Variants in DCC observed in about 807,000 individuals in gnomAD.
DCC encodes the protein netrin receptor DCC.
A neutral mutation model predicts 172.5 loss-of-function variants in DCC; 58 were observed. That is an observed-to-expected ratio of 0.34 (90% CI 0.27 to 0.42). The LOEUF (loss-of-function observed/expected upper bound fraction) is 0.42. Among genes scored for constraint, DCC ranks in the 10% least tolerant of loss-of-function variants. The probability of loss-of-function intolerance (pLI) is 1.00; values close to 1 mark genes in which losing one functional copy is unlikely to be tolerated. For missense variants in DCC, 1,740 were observed against 1,791.0 expected, an observed-to-expected ratio of 0.97 and a Z score of 0.51; for synonymous variants, 709 against 644.5, an observed-to-expected ratio of 1.10 and a Z score of -1.52.
chr18:52,412,533 A>T (rs1188815783), intron 1 of DCC, among the ~76,000 whole-genome samples: 1 of 152,158 alleles, frequency 6.6e-6, no homozygotes, highest in African/African-American at 2.4e-5. Context: ...ATTTGATGAA[A>T]CATCAAATTT....
intron 1 of DCC, among the ~76,000 whole-genome samples, chr18:52,478,194 C>A (rs910536499): frequency 5.3e-5 from 8 of 151,742 alleles, no homozygotes; most frequent in Admixed American, 5.2e-4. Flanking sequence ...AGATTAATTT[C>A]TCTTGATTTT....
intron 12 of DCC, among the ~76,000 whole-genome samples, chr18:53,269,404 A>G (rs2056721002): frequency 6.6e-6 from 1 of 152,114 alleles, no homozygotes; most frequent in African/African-American, 2.4e-5. Flanking sequence ...GTCAACCCTG[A>G]GCACAAAACT....
At chr18:53,512,664 G>T (rs1260306768) in intron 27 of DCC, among the ~76,000 whole-genome samples, 1 of 152,000 alleles carries the variant, frequency 6.6e-6, no homozygotes, top group Non-Finnish European at 1.5e-5. Context: ...TGTGAAGAAT[G>T]CAGAAGCCTC....
chr18:52,656,903 T>C (rs1444019689), intron 1 of DCC, among the ~76,000 whole-genome samples: 1 of 152,136 alleles, frequency 6.6e-6, no homozygotes, highest in Non-Finnish European at 1.5e-5. Context: ...CCCACCCAGA[T>C]GGGTCAGAAA....
chr18:53,448,814 G>A lies in DCC; in HGVS notation c.3230-1686G>A, dbSNP rs536960474. Reference sequence around the variant, plus strand: ...GTTGTCGTGAGCCGAGATCATGCCAGTGCACTCCAGCATGGGTGATAGAGC... The same window carrying A: ...GTTGTCGTGAGCCGAGATCATGCCAATGCACTCCAGCATGGGTGATAGAGC... On this transcript the variant is annotated intron_variant, in intron 22 of 28. Coordinates refer to ENST00000442544, the MANE Select transcript of DCC (RefSeq NM_005215.4). Among the ~76,000 whole-genome samples, 4 of 152,264 alleles carry A rather than the reference G, an allele frequency of 2.6e-5. No individual in the cohort carries two copies. The South Asian group carries it at 6.2e-4, about 24-fold the overall frequency.
intron 5 of DCC, among the ~76,000 whole-genome samples, chr18:52,960,183 A>AT (rs200352988): frequency 0.014 from 2,062 of 152,246 alleles, 60 homozygotes; most frequent in African/African-American, 0.048. Flanking sequence ...ATTTTAAAAA[A>AT]TTTCTAGGTT....
At chr18:52,489,829 C>G (rs576189937) in intron 1 of DCC, among the ~76,000 whole-genome samples, 1 of 152,014 alleles carries the variant, frequency 6.6e-6, no homozygotes, top group East Asian at 1.9e-4. Context: ...AGTCTAAGAC[C>G]CGACACCACT....
At chr18:52,727,640 C>A (rs1043825430) in intron 1 of DCC, among the ~76,000 whole-genome samples, 1 of 151,980 alleles carries the variant, frequency 6.6e-6, no homozygotes, top group Non-Finnish European at 1.5e-5. Context: ...ATTTTAATTT[C>A]TTTATGTTGA....
intron 1 of DCC, among the ~76,000 whole-genome samples, chr18:52,416,240 A>G (rs1375737689): frequency 1.3e-5 from 2 of 151,952 alleles, no homozygotes; most frequent in African/African-American, 2.4e-5. Context: ...CTGAGAGACA[A>G]TTTGTTTTAT....
At chr18:53,214,639 C>T (rs1429773928) in intron 11 of DCC, among the ~76,000 whole-genome samples, 1 of 152,162 alleles carries the variant, frequency 6.6e-6, no homozygotes, top group Non-Finnish European at 1.5e-5. Context: ...ATAGGGACTA[C>T]TCACTTTATA....
intron 2 of DCC, among the ~76,000 whole-genome samples, chr18:52,795,533 T>C (rs1179922618): frequency 1.3e-5 from 2 of 151,988 alleles, no homozygotes; most frequent in Non-Finnish European, 2.9e-5. Flanking sequence ...GTTTAAAAAT[T>C]TTACCTTCTC....
At chr18:52,913,371 T>C (rs1033940668) in intron 3 of DCC, among the ~76,000 whole-genome samples, 2 of 152,066 alleles carry the variant, frequency 1.3e-5, no homozygotes, top group Non-Finnish European at 1.5e-5. Context: ...CCCAATGCTA[T>C]TTGGACGGAC....
At chr18:52,871,385 CTG>C (rs1442754823) in intron 2 of DCC, among the ~76,000 whole-genome samples, 1 of 151,876 alleles carries the variant, frequency 6.6e-6, no homozygotes, top group African/African-American at 2.4e-5. Flanking sequence ...AACTGCAAAA[CTG>C]AACAGTCTGT....
chr18:52,924,999 T>G (rs2040179650), intron 4 of DCC, among the ~76,000 whole-genome samples: 1 of 151,946 alleles, frequency 6.6e-6, no homozygotes, highest in African/African-American at 2.4e-5. Context: ...CTAAAGTTAC[T>G]TCCAAGTTTA....
chr18:52,387,670 C>CA (rs1339806188), intron 1 of DCC, among the ~76,000 whole-genome samples: 30 of 144,396 alleles, frequency 2.1e-4, no homozygotes, highest in African/African-American at 7.3e-4. Context: ...GATCTATGAA[C>CA]AAAAACTGTC....
rs1029758510 is a variant in DCC, at chr18:53,138,128, A to T, written c.1262-19228A>T. Among the ~76,000 whole-genome samples the T allele has an allele frequency of 4.6e-5, 7 of 152,034 alleles. No individual in the cohort carries two copies. The East Asian group carries it at 9.7e-4, about 21-fold the overall frequency. On this transcript the variant is annotated intron_variant, in intron 7 of 28. Coordinates refer to ENST00000442544, the MANE Select transcript of DCC (RefSeq NM_005215.4). ...CAAGCATGAGCCATTGTGCCCAGGGAGTAGTACTTTTAAAATCTGGTCTAA... is the reference window on the plus strand; with the variant it reads ...CAAGCATGAGCCATTGTGCCCAGGGTGTAGTACTTTTAAAATCTGGTCTAA...
intron 7 of DCC, among the ~76,000 whole-genome samples, chr18:53,151,442 A>T (rs1308265531): frequency 6.6e-6 from 1 of 152,194 alleles, no homozygotes; most frequent in African/African-American, 2.4e-5. Context: ...TATTAGCTTC[A>T]TGCGTAACAG....
intron 1 of DCC, among the ~76,000 whole-genome samples, chr18:52,403,079 G>A (rs763288892): frequency 6.6e-6 from 1 of 152,016 alleles, no homozygotes; most frequent in Non-Finnish European, 1.5e-5. Context: ...AGGTGCAACG[G>A]TGAAAGTTTT....
intron 1 of DCC, among the ~76,000 whole-genome samples, chr18:52,610,722 A>G (rs1188484588): frequency 6.6e-6 from 1 of 152,180 alleles, no homozygotes; most frequent in Non-Finnish European, 1.5e-5. Flanking sequence ...GCATCTAGAC[A>G]ATATGTAAAT....
Sources: allele counts gnomAD v4.1 joint callset (sites outside exome capture counted in the v4.1 genomes callset), GRCh38; gene constraint gnomAD v4.1.1; transcripts MANE v1.5; gene names NCBI Gene and HGNC (gene_info 2026-07-23, HGNC 2026-07-21).